Variants in SHKBP1 observed in about 807,000 individuals in gnomAD.
The protein encoded by SHKBP1 is SH3KBP1-binding protein 1.
In SHKBP1, 71 loss-of-function variants were observed where a neutral mutation model predicts 83.9. That is an observed-to-expected ratio of 0.85 (90% CI 0.70 to 1.03). The LOEUF is 1.03. SHKBP1 is among the 50% of genes least tolerant of loss of function. The pLI is 0.00. For missense variants in SHKBP1, 824 were observed against 982.4 expected, an observed-to-expected ratio of 0.84 and a Z score of 2.16; for synonymous variants, 371 against 398.0, an observed-to-expected ratio of 0.93 and a Z score of 0.81.
chr19:40,578,107 T>G, intron 4 of SHKBP1, 47 bp from the exon 5 acceptor site: 2 of 1,503,350 alleles, frequency 1.3e-6, no homozygotes, highest in Non-Finnish European at 1.8e-6. Context: ...CATTCTCTGT[T>G]CACCCCCACA....
Position 40,590,395 on chromosome 19 carries a change from G to T in SHKBP1, c.1741G>T (p.Ala581Ser), listed in dbSNP as rs536953428. 23 of 1,610,262 alleles carry T rather than the reference G, an allele frequency of 1.4e-5. No individual in the cohort carries two copies. In the South Asian group the frequency reaches 1.7e-4, roughly 12 times the overall value. ...CTTGGCCATGTGGGACCTAACCACC[G>T]CCATGGACGGCCTCGGCCAGGCCCC... ...GSLAMWDLTT[A>S]MDGLGQAPAG... Residue 581 changes from alanine (A) to serine (S), a missense_variant, in exon 16 of 18, where the codon GCC (alanine) becomes TCC (serine). Ala to Ser is a moderately conservative substitution (Grantham distance 99). Transcript: ENST00000291842. The surrounding 1 kb of genome is among the most constrained non-coding windows in gnomAD (Gnocchi z 4.6).
chr19:40,590,603 GC>G lies in SHKBP1; in HGVS notation c.1769-122del. 2 of 1,332,056 alleles carry G rather than the reference GC, an allele frequency of 1.5e-6. No individual in the cohort carries two copies. The highest frequency in any genetic ancestry group is 1.0e-6 in the Non-Finnish European group (1 of 974,196). The allele number at this position is 1,332,056 out of a possible 1,614,324, so 82.5% of individuals were successfully genotyped here. A position where few individuals can be genotyped will look rare whatever the true frequency, so the allele number is the denominator to read the frequency against. ...TTTTCAACCCCTGTCTCAGCCTCTG[GC>G]CCCCATGCATTGATCTCTGCTTCCT... On this transcript the variant is annotated intron_variant, in intron 16 of 17. Transcript: ENST00000291842. This position sits in a 1 kb window ranked among gnomAD's most constrained non-coding sequence, Gnocchi z 4.6.
chr19:40,585,508 T>C (rs2081303971), intron 12 of SHKBP1: 2 of 151,902 alleles, frequency 1.3e-5, no homozygotes, highest in South Asian at 4.2e-4. Context: ...GTAAGGCCCT[T>C]TTCTTATTTC....
At chr19:40,577,118 G>A in intron 1 of SHKBP1, 113 bp from the exon 2 acceptor site, 1 of 1,443,338 alleles carries the variant, frequency 6.9e-7, no homozygotes, top group South Asian at 1.2e-5. Context: ...GCGAGATTCT[G>A]GAAAAACGCC....
chr19:40,589,742 G>A (rs550147222), intron 15 of SHKBP1, among the ~76,000 whole-genome samples: 19 of 152,222 alleles, frequency 1.2e-4, no homozygotes, highest in African/African-American at 4.6e-4. Context: ...TGAGGGAACT[G>A]TATGTGCAGA....
At position 40,590,610 on chromosome 19, in the gene SHKBP1, T is replaced by C; in HGVS notation, c.1769-120T>C. The C allele has an allele frequency of 1.5e-6, 2 of 1,350,942 alleles. No individual in the cohort carries two copies. The highest frequency in any genetic ancestry group is 2.0e-6 in the Non-Finnish European group (2 of 990,670). 83.7% of individuals were successfully genotyped at this position (1,350,942 alleles called of 1,614,324 possible). ...CCCCTGTCTCAGCCTCTGGCCCCCA[T>C]GCATTGATCTCTGCTTCCTCTCTCC... On this transcript the variant is annotated intron_variant, in intron 16 of 17. Transcript: ENST00000291842. This position sits in a 1 kb window ranked among gnomAD's most constrained non-coding sequence, Gnocchi z 4.6.
intron 6 of SHKBP1, among the ~76,000 whole-genome samples, chr19:40,579,882 G>T (rs966489737): frequency 1.3e-5 from 2 of 151,824 alleles, no homozygotes; most frequent in Admixed American, 6.6e-5. Flanking sequence ...AAATATAAAA[G>T]ATTAGCCATG....
rs759471741 is a variant in SHKBP1 at position 40,590,898 on chromosome 19, G to A, written c.1892+45G>A. 4.5e-6 allele frequency: 7 copies of A among 1,569,090 alleles called. No individual in the cohort carries two copies. Among genetic ancestry groups the A allele is most frequent in the Middle Eastern group, 3.4e-4 (2 of 5,900 alleles). ...CCCTTCTGTGCAATGAGGGGAGAGG[G>A]GACAGCATGGTGTTCCCGGGGACAG... On this transcript the variant is annotated intron_variant, in intron 17 of 17. Coordinates refer to ENST00000291842, the MANE Select transcript of SHKBP1 (RefSeq NM_138392.4). This position sits in a 1 kb window ranked among gnomAD's most constrained non-coding sequence, Gnocchi z 4.6.
In SHKBP1 at chr19:40,590,139, T is replaced by A; in HGVS notation, c.1590-105T>A. ...AAGCAGGCTAGGGATGGATAAAGAT[T>A]GGGATGGCCCCTGGAGAGGCAGGAA... On this transcript the variant is annotated intron_variant, in intron 15 of 17. Transcript: ENST00000291842. This position sits in a 1 kb window ranked among gnomAD's most constrained non-coding sequence, Gnocchi z 4.6. 7.8e-7 allele frequency: 1 copy of A among 1,285,002 alleles called. No homozygotes were observed. Among genetic ancestry groups the A allele is most frequent in the Non-Finnish European group, 1.0e-6 (1 of 955,828 alleles). The allele number at this position is 1,285,002 out of a possible 1,614,324, so 79.6% of individuals were successfully genotyped here. A position where few individuals can be genotyped will look rare whatever the true frequency, so the allele number is the denominator to read the frequency against.
In SHKBP1 at chr19:40,577,201, C is replaced by T. The variant is rs545550518; in HGVS notation, c.87-30C>T. The T allele has an allele frequency of 5.4e-4, 867 of 1,612,138 alleles. 9 individuals are homozygous for T. In the South Asian group the frequency reaches 7.1e-3, roughly 13 times the overall value. On this transcript the variant is annotated intron_variant, in intron 1 of 17. Coordinates refer to ENST00000291842, the MANE Select transcript of SHKBP1 (RefSeq NM_138392.4). ...GCATTCCTCACCCGCTCCTCTTCAT[C>T]TCTTGCGTCCGTTTACCTTCCCCGC...
chr19:40,579,922 A>T (rs1477431855), intron 6 of SHKBP1, among the ~76,000 whole-genome samples: 1 of 149,974 alleles, frequency 6.7e-6, no homozygotes. Flanking sequence ...AATCTCAGCT[A>T]CTTGGGAGGC....
Position 40,580,105 on chromosome 19 carries a change from C to T in SHKBP1, c.401-219C>T, listed in dbSNP as rs910468867. ...TCATTAATATCACAGCAGCACTAAA[C>T]TCAGTCTTCCTCTGTGCTGGGCTCA... On this transcript the variant is annotated intron_variant, in intron 6 of 17. Transcript: ENST00000291842. 1.1e-5 allele frequency: 4 copies of T among 378,960 alleles called. No homozygotes were observed. The South Asian group carries it at 1.3e-4, about 13-fold the overall frequency. The allele number at this position is 378,960 out of a possible 1,614,324, so 23.5% of individuals were successfully genotyped here.
At position 40,588,653 on chromosome 19, in the gene SHKBP1, T is replaced by C; in HGVS notation, c.1366T>C (p.Trp456Arg). The C allele has an allele frequency of 6.2e-7, 1 of 1,614,166 alleles. No homozygotes were observed. The highest frequency in any genetic ancestry group is 8.5e-7 in the Non-Finnish European group (1 of 1,180,028). ...VCADNNHVRTWSVTRFRGMIS... is the reference protein window; with the variant it reads ...VCADNNHVRTRSVTRFRGMIS... The stretch of plus-strand genomic sequence containing the variant: ...TGCCGACAACAACCACGTGCGGACA[T>C]GGTCTGTGACTCGCTTCCGCGGCAT... Residue 456 changes from tryptophan (W) to arginine (R), a missense_variant, in exon 14 of 18, where the codon TGG (tryptophan) becomes CGG (arginine). By Grantham distance (101) the Trp-to-Arg change is moderately radical (BLOSUM62 -3). This residue lies in a region of SHKBP1 where 182 missense variants were observed against 273.1 expected (regional missense o/e 0.67). Coordinates refer to ENST00000291842, the MANE Select transcript of SHKBP1 (RefSeq NM_138392.4).
Position 40,580,386 on chromosome 19 carries a change from C to T in SHKBP1, c.463C>T (p.Pro155Ser), listed in dbSNP as rs1315086575. The T allele has an allele frequency of 6.2e-7, 1 of 1,614,112 alleles. No homozygotes were observed. The highest frequency in any genetic ancestry group is 8.5e-7 in the Non-Finnish European group (1 of 1,180,048). ...GGGGCCTCAGCAGCTAGGAGGACGG[C>T]CAGCCCCTGTCCGACGGAGCAACAC... ...LVGPQQLGGRPAPVRRSNTMP... is the reference protein window; with the variant it reads ...LVGPQQLGGRSAPVRRSNTMP... The change falls in exon 7 of 18, where the codon CCA becomes TCA. Residue 155 changes from proline (P) to serine (S), a missense_variant. Pro to Ser is a moderately conservative substitution (Grantham distance 74, BLOSUM62 -1). Around this residue, in one of 3 missense-constraint regions of SHKBP1, gnomAD observed 355 missense variants for 386.4 expected, o/e 0.92. Transcript: ENST00000291842.
chr19:40,587,857 T>C (rs138972360), intron 13 of SHKBP1, among the ~76,000 whole-genome samples: 251 of 152,186 alleles, frequency 1.6e-3, no homozygotes, highest in African/African-American at 5.7e-3. Flanking sequence ...TCAGCTATGA[T>C]TGCACCCCTG....
chr19:40,583,413 C>G lies in SHKBP1; in HGVS notation c.976C>G (p.Pro326Ala). ...TKHWQVQEVQ[P>A]ITSYDAAGSF... ...CCACCCCCAGGTCCAGGAGGTGCAG[C>G]CCATCACCAGTTATGACGCGGCAGG... Residue 326 changes from proline to alanine, a missense_variant, in exon 11 of 18, where the codon CCC becomes GCC. Pro to Ala is a conservative substitution (Grantham distance 27). Coordinates refer to ENST00000291842, the MANE Select transcript of SHKBP1 (RefSeq NM_138392.4). The G allele has an allele frequency of 1.3e-6, 2 of 1,589,610 alleles. No homozygotes were observed. The highest frequency in any genetic ancestry group is 1.7e-6 in the Non-Finnish European group (2 of 1,167,906).
Position 40,580,807 on chromosome 19 carries a change from G to T in SHKBP1, c.715G>T (p.Glu239Ter). 6.2e-7 allele frequency: 1 copy of T among 1,613,020 alleles called. No individual in the cohort carries two copies. The highest frequency in any genetic ancestry group is 8.5e-7 in the Non-Finnish European group (1 of 1,179,494). The part of the protein sequence containing the change: ...FSSPRLDWPI[E>*]RLALTARVHG... The stretch of plus-strand genomic sequence containing the variant: ...CAGCCCCCGCCTGGACTGGCCCATC[G>T]AACGACTGGCGCTCACAGCCCGGGT... Residue 239 changes from glutamate to a stop codon, truncating the protein, a stop_gained, in exon 9 of 18, where the codon GAA becomes TAA. Coordinates refer to ENST00000291842, the MANE Select transcript of SHKBP1 (RefSeq NM_138392.4). LOFTEE classifies it high-confidence loss of function.
intron 13 of SHKBP1, 60 bp from the exon 14 acceptor site, chr19:40,588,564 G>A (rs45616834): frequency 0.017 from 27,815 of 1,602,808 alleles, 308 homozygotes; most frequent in South Asian, 0.033. Flanking sequence ...GGCTCTGGAC[G>A]GGCAGGCAGC....
intron 9 of SHKBP1, among the ~76,000 whole-genome samples, chr19:40,581,271 G>A (rs1271165545): frequency 1.3e-5 from 2 of 152,166 alleles, no homozygotes; most frequent in Non-Finnish European, 2.9e-5. Context: ...AGCACTTTGG[G>A]AGGCTGAGGC....
Sources: gnomAD v4.1 joint callset for allele counts (sites outside exome capture counted in the v4.1 genomes callset) on GRCh38, gnomAD v4.1.1 for gene constraint, gnomAD v4.1.1 regional missense constraint, Gnocchi (gnomAD v3.1) non-coding constraint, MANE v1.5 for transcripts, NCBI Gene and HGNC (gene_info 2026-07-23, HGNC 2026-07-21) for gene names.